BTBD16: variants seen among roughly 807,000 people sequenced by gnomAD.
The protein encoded by BTBD16 is BTB domain containing 16.
In BTBD16, 66 loss-of-function variants were observed where a neutral mutation model predicts 67.4. The observed-to-expected ratio is 0.98, with a 90% CI of 0.80 to 1.20. The LOEUF is 1.20. BTBD16 is among the 50% of genes most tolerant of loss of function. The pLI, the probability that BTBD16 is intolerant of heterozygous loss-of-function variation, is 0.00. For synonymous variants in BTBD16, 242 were observed against 236.4 expected, an observed-to-expected ratio of 1.02 and a Z score of -0.22; for missense variants, 634 against 616.0, an observed-to-expected ratio of 1.03 and a Z score of -0.31.
chr10:122,307,090 T>A (rs2096404906), intron 9 of BTBD16, 99 bp from the exon 10 acceptor site: 1 of 1,367,806 alleles, frequency 7.3e-7, no homozygotes, highest in Admixed American at 2.5e-5. Context: ...TCAAATGTGG[T>A]GTCACCTCAT....
intron 9 of BTBD16, among the ~76,000 whole-genome samples, chr10:122,305,130 G>A (rs1044184129): frequency 6.6e-6 from 1 of 152,222 alleles, no homozygotes; most frequent in African/African-American, 2.4e-5. Flanking sequence ...TGGAACTAAG[G>A]TCAGTAATCA....
At chr10:122,274,451 C>T (rs947541415) in intron 1 of BTBD16, among the ~76,000 whole-genome samples, 4 of 152,192 alleles carry the variant, frequency 2.6e-5, no homozygotes, top group Non-Finnish European at 5.9e-5. Flanking sequence ...CCTTTTGAGT[C>T]TATGAGACCC....
At chr10:122,285,494 G>C (rs1051460848) in intron 4 of BTBD16, among the ~76,000 whole-genome samples, 1 of 152,144 alleles carries the variant, frequency 6.6e-6, no homozygotes, top group Non-Finnish European at 1.5e-5. Context: ...GTCATGCTTT[G>C]TATTCATAGC....
At chr10:122,331,344 G>C (rs2096454821) in intron 12 of BTBD16, 86 bp downstream of exon 12, 7 of 1,576,118 alleles carry the variant, frequency 4.4e-6, no homozygotes, top group Non-Finnish European at 6.0e-6. Flanking sequence ...TTTCACATTT[G>C]AAACCTCTAA....
intron 7 of BTBD16, 23 bp downstream of exon 7, chr10:122,291,217 G>C (rs368469286): frequency 1.1e-5 from 18 of 1,601,058 alleles, no homozygotes; most frequent in African/African-American, 5.4e-5. Flanking sequence ...GGCTGACTTT[G>C]GGCAGGGCCG....
rs1564993336 is a variant in BTBD16 at position 122,307,248 on chromosome 10, A to C, written c.851A>C (p.Gln284Pro). The C allele has an allele frequency of 6.2e-7, 1 of 1,611,222 alleles. No homozygotes were observed. The highest frequency in any genetic ancestry group is 8.5e-7 in the Non-Finnish European group (1 of 1,179,226). ...ACAATGCTTTTGTGGGTCTTCTTGCAACTGAACTACAAGATTCAGGCAATT... is the reference window on the plus strand; with the variant it reads ...ACAATGCTTTTGTGGGTCTTCTTGCCACTGAACTACAAGATTCAGGCAATT... ...LKTMLLWVFL[Q>P]LNYKIQAIPT... The change falls in exon 10 of 16, where the codon CAA becomes CCA. Residue 284 changes from glutamine to proline, a missense_variant. By Grantham distance (76) the Gln-to-Pro change is moderately conservative (BLOSUM62 -1). Transcript: ENST00000260723.
intron 13 of BTBD16, among the ~76,000 whole-genome samples, chr10:122,334,209 T>TTTA (rs2096459448): frequency 6.7e-6 from 1 of 149,608 alleles, no homozygotes; most frequent in South Asian, 2.1e-4. Context: ...TTTTTTTTTT[T>TTTA]TTTTGAGATG....
intron 12 of BTBD16, 101 bp downstream of exon 12, chr10:122,331,359 C>T (rs2096454834): frequency 1.3e-6 from 2 of 1,524,970 alleles, no homozygotes; most frequent in African/African-American, 1.4e-5. Context: ...CTCTAAACCT[C>T]TGAGGTCAGG....
chr10:122,286,268 C>G lies in BTBD16; in HGVS notation c.385+20C>G, dbSNP rs755613768. 1 of 1,594,076 alleles carries G rather than the reference C, an allele frequency of 6.3e-7. No homozygotes were observed. Among genetic ancestry groups the G allele is most frequent in the South Asian group, 1.1e-5 (1 of 89,412 alleles). Reference sequence around the variant, plus strand: ...TGCGAGGTACTTCCTCCCTGGCACCCAGTGCTGGAGCCCCAGTGCCCTCTA... The same window carrying G: ...TGCGAGGTACTTCCTCCCTGGCACCGAGTGCTGGAGCCCCAGTGCCCTCTA... On this transcript the variant is annotated intron_variant, in intron 5 of 15. Transcript: ENST00000260723.
chr10:122,303,286 A>G (rs1289037906), intron 9 of BTBD16, among the ~76,000 whole-genome samples: 1 of 152,226 alleles, frequency 6.6e-6, no homozygotes, highest in Non-Finnish European at 1.5e-5. Context: ...TAATCTATGT[A>G]ATTTTACTCT....
chr10:122,330,567 G>A (rs1389711500), intron 11 of BTBD16, among the ~76,000 whole-genome samples: 1 of 152,264 alleles, frequency 6.6e-6, no homozygotes, highest in Admixed American at 6.5e-5. Context: ...GGATTGTTAA[G>A]AGTATATTTC....
intron 9 of BTBD16, among the ~76,000 whole-genome samples, chr10:122,304,571 T>C (rs1207337894): frequency 3.4e-5 from 5 of 147,526 alleles, no homozygotes; most frequent in Non-Finnish European, 3.0e-5. Flanking sequence ...TTTTTTTTTT[T>C]TGAGACAGAG....
At chr10:122,278,228 G>A (rs1465521303) in intron 3 of BTBD16, among the ~76,000 whole-genome samples, 1 of 152,198 alleles carries the variant, frequency 6.6e-6, no homozygotes, top group Non-Finnish European at 1.5e-5. Context: ...GAGCTAAACT[G>A]GAGGCAGTGG....
intron 10 of BTBD16, among the ~76,000 whole-genome samples, chr10:122,318,382 T>C (rs992816292): frequency 6.6e-6 from 1 of 152,226 alleles, no homozygotes; most frequent in African/African-American, 2.4e-5. Context: ...GTTTTTCTAT[T>C]CATCTTTTCA....
chr10:122,303,656 G>GA, intron 9 of BTBD16: 1 of 880,164 alleles, frequency 1.1e-6, no homozygotes, highest in Non-Finnish European at 1.4e-6. Context: ...TTTTCTCAGT[G>GA]AAAAATAGAG....
chr10:122,285,590 C>T (rs866576825), intron 4 of BTBD16, among the ~76,000 whole-genome samples: 6 of 152,140 alleles, frequency 3.9e-5, no homozygotes, highest in South Asian at 2.1e-4. Context: ...TGGTTGTCAC[C>T]GCTGGGGAGG....
rs1250808783 is a variant in BTBD16, at chr10:122,334,320, T to G, written c.1165-561T>G. On this transcript the variant is annotated intron_variant, in intron 13 of 15. Coordinates refer to ENST00000260723, the MANE Select transcript of BTBD16 (RefSeq NM_144587.5). Reference sequence around the variant, plus strand: ...ATGCTATTCTCTTGCCTCAGCCTCCTGAGTAGCTGGGACTACAGGCGCCCG... The same window carrying G: ...ATGCTATTCTCTTGCCTCAGCCTCCGGAGTAGCTGGGACTACAGGCGCCCG... 2.0e-5 allele frequency among the ~76,000 whole-genome samples: 3 copies of G among 150,788 alleles called. No homozygotes were observed. The East Asian group carries it at 5.9e-4, about 29-fold the overall frequency.
At chr10:122,313,680 G>A (rs2096418634) in intron 10 of BTBD16, among the ~76,000 whole-genome samples, 2 of 152,132 alleles carry the variant, frequency 1.3e-5, no homozygotes, top group South Asian at 2.1e-4. Context: ...CCATCCAGAA[G>A]TATTTTTTTA....
Position 122,280,971 on chromosome 10 carries a change from T to A in BTBD16, c.168-2880T>A, listed in dbSNP as rs551825486. On this transcript the variant is annotated intron_variant, in intron 3 of 15. Transcript: ENST00000260723. ...CAGACATGGCCACCACATGCTGAAT[T>A]TTTTATTTAATGTTTTGTAGAGATG... Among the ~76,000 whole-genome samples, 562 of 152,132 alleles carry A rather than the reference T, an allele frequency of 3.7e-3. 3 individuals carry two copies. The highest frequency in any genetic ancestry group is 0.013 in the African/African-American group (530 of 41,476).
Sources: allele counts gnomAD v4.1 joint callset (sites outside exome capture counted in the v4.1 genomes callset), GRCh38; gene constraint gnomAD v4.1.1; transcripts MANE v1.5; gene names NCBI Gene and HGNC (gene_info 2026-07-23, HGNC 2026-07-21).